Variants in SOX6 observed in about 807,000 individuals in gnomAD.
SOX6 encodes the protein SRY-box transcription factor 6.
Under a neutral mutation model 97.8 loss-of-function variants are expected in SOX6, and 11 were observed. The observed-to-expected ratio is 0.11, with a 90% CI of 0.07 to 0.19. The LOEUF is 0.19. SOX6 is among the 10% of genes least tolerant of loss of function. The pLI is 1.00. For missense variants in SOX6, 810 were observed against 1,039.5 expected (o/e 0.78, Z 3.04); for synonymous variants, 360 against 371.4 (o/e 0.97, Z 0.35).
intron 1 of SOX6, among the ~76,000 whole-genome samples, chr11:16,438,333 T>C (rs908457761): frequency 3.3e-5 from 5 of 152,096 alleles, no homozygotes; most frequent in Non-Finnish European, 2.9e-5. Flanking sequence ...AAACTGAACC[T>C]AAGTAATATT....
At chr11:16,085,972 G>A (rs1288023735) in intron 9 of SOX6, among the ~76,000 whole-genome samples, 1 of 152,190 alleles carries the variant, frequency 6.6e-6, no homozygotes. Flanking sequence ...AATTCAGGCA[G>A]TCTCTTACCT....
intron 2 of SOX6, among the ~76,000 whole-genome samples, chr11:16,336,289 G>T (rs1308577432): frequency 1.3e-5 from 2 of 152,066 alleles, no homozygotes; most frequent in East Asian, 3.9e-4. Flanking sequence ...CAAAAAGCTT[G>T]TCTCTCACCT....
At chr11:16,385,743 T>G (rs1464898937) in intron 1 of SOX6, among the ~76,000 whole-genome samples, 1 of 152,196 alleles carries the variant, frequency 6.6e-6, no homozygotes, top group African/African-American at 2.4e-5. Flanking sequence ...TTGGTTCTGA[T>G]TCATATTTTG....
chr11:16,514,609 A>G (rs547954087), intron 4 of SOX6, among the ~76,000 whole-genome samples: 1 of 151,840 alleles, frequency 6.6e-6, no homozygotes, highest in Non-Finnish European at 1.5e-5. Flanking sequence ...GGTTAGTTAC[A>G]TAGGTATACA....
intron 6 of SOX6, among the ~76,000 whole-genome samples, chr11:16,177,021 A>G (rs999904552): frequency 2.0e-5 from 3 of 151,938 alleles, no homozygotes; most frequent in African/African-American, 7.2e-5. Flanking sequence ...AAGACAAGCA[A>G]AAGTGGAGAC....
intron 4 of SOX6, among the ~76,000 whole-genome samples, chr11:16,608,123 C>A (rs1023347607): frequency 6.6e-6 from 1 of 151,674 alleles, no homozygotes; most frequent in African/African-American, 2.4e-5. Flanking sequence ...GAGGGGAAAA[C>A]GACCAAAAGA....
intron 3 of SOX6, among the ~76,000 whole-genome samples, chr11:16,281,663 A>G (rs1461960630): frequency 6.6e-6 from 1 of 151,934 alleles, no homozygotes; most frequent in Non-Finnish European, 1.5e-5. Context: ...ATCTGTTAAT[A>G]TAGTACTTAA....
At chr11:16,360,316 C>T (rs975768985), upstream of SOX6, among the ~76,000 whole-genome samples, 4 of 152,150 alleles carry the variant, frequency 2.6e-5, no homozygotes, top group African/African-American at 4.8e-5. Context: ...TCCTTCCCTA[C>T]AGAACTCTTC....
chr11:16,143,560 T>C (rs189807390), intron 6 of SOX6, among the ~76,000 whole-genome samples: 314 of 152,180 alleles, frequency 2.1e-3, no homozygotes, highest in Middle Eastern at 0.014. Flanking sequence ...GATTGGCAAA[T>C]TGGATATAGA....
intron 3 of SOX6, among the ~76,000 whole-genome samples, chr11:16,253,574 C>A (rs1853584201): frequency 6.6e-6 from 1 of 151,650 alleles, no homozygotes; most frequent in Non-Finnish European, 1.5e-5. Flanking sequence ...AAAATGCTGT[C>A]ACAAAAATGA....
At chr11:16,651,486 A>G (rs938460687) in intron 3 of SOX6, among the ~76,000 whole-genome samples, 1 of 152,188 alleles carries the variant, frequency 6.6e-6, no homozygotes, top group Non-Finnish European at 1.5e-5. Flanking sequence ...AAGTCAATAA[A>G]TGTGATATAC....
intron 4 of SOX6, among the ~76,000 whole-genome samples, chr11:16,597,394 A>C (rs1213835855): frequency 6.6e-6 from 1 of 151,680 alleles, no homozygotes; most frequent in Admixed American, 6.6e-5. Context: ...CCTTTCTAAC[A>C]ACCCATGGAA....
At chr11:16,510,347 A>T (rs1860859391) in intron 4 of SOX6, among the ~76,000 whole-genome samples, 1 of 151,988 alleles carries the variant, frequency 6.6e-6, no homozygotes, top group Non-Finnish European at 1.5e-5. Flanking sequence ...TCTTAATTCT[A>T]TACCGCCCTA....
At position 16,476,059 on chromosome 11, in the gene SOX6, A is replaced by G. The variant is rs1329285751; in HGVS notation, c.-5+256T>C. On this transcript the variant is annotated intron_variant, in intron 1 of 15. Transcript: ENST00000396356. ...GAGCCCTATTCTCAAAGAGTAAGAT[A>G]GTTATTCTTTAAACTTATTATAATG... 2.6e-5 allele frequency among the ~76,000 whole-genome samples: 4 copies of G among 152,194 alleles called. No homozygotes were observed. In the South Asian group the frequency reaches 6.2e-4, roughly 24 times the overall value.
chr11:16,009,698 T>C (rs1263274884), intron 13 of SOX6, among the ~76,000 whole-genome samples: 2 of 152,100 alleles, frequency 1.3e-5, no homozygotes, highest in Admixed American at 1.3e-4. Flanking sequence ...ATTACAGATT[T>C]GATGACCTCT....
At chr11:16,525,283 G>T (rs1215312208) in intron 4 of SOX6, among the ~76,000 whole-genome samples, 1 of 151,596 alleles carries the variant, frequency 6.6e-6, no homozygotes, top group African/African-American at 2.4e-5. Context: ...CCAAAACAGA[G>T]ATATAGATCA....
chr11:16,315,236 T>C (rs918774626), intron 3 of SOX6: 1 of 152,126 alleles, frequency 6.6e-6, no homozygotes, highest in Non-Finnish European at 1.5e-5. Context: ...TGTTTTAATA[T>C]GATTCATTTT....
intron 3 of SOX6, among the ~76,000 whole-genome samples, chr11:16,310,330 CA>C (rs1430972900): frequency 1.3e-5 from 2 of 151,860 alleles, no homozygotes; most frequent in Non-Finnish European, 2.9e-5. Context: ...AAATAGAATG[CA>C]AATATACTTA....
chr11:16,644,397 G>A (rs896730234), intron 3 of SOX6, among the ~76,000 whole-genome samples: 30 of 152,254 alleles, frequency 2.0e-4, no homozygotes, highest in Middle Eastern at 3.4e-3. Flanking sequence ...TAGCAACAAA[G>A]TAGGCTGAAA....
Sources: allele counts gnomAD v4.1 joint callset (sites outside exome capture counted in the v4.1 genomes callset), GRCh38; gene constraint gnomAD v4.1.1; transcripts MANE v1.5; gene names NCBI Gene and HGNC (gene_info 2026-07-23, HGNC 2026-07-21).